Variants in ADAMTS2 observed in about 807,000 individuals in gnomAD.
ADAMTS2 encodes the protein ADAM metallopeptidase with thrombospondin type 1 motif 2, also known as A disintegrin and metalloproteinase with thrombospondin motifs 2.
Under a neutral mutation model 123.0 loss-of-function variants are expected in ADAMTS2, and 50 were observed. The ratio of observed to expected loss-of-function variants is 0.41; its 90% CI spans 0.32 to 0.51. The LOEUF is 0.51. ADAMTS2 is among the 20% of genes least tolerant of loss of function. The probability of loss-of-function intolerance (pLI) is 0.35; values close to 1 mark genes in which losing one functional copy is unlikely to be tolerated. For synonymous variants in ADAMTS2, 678 were observed against 695.4 expected, an observed-to-expected ratio of 0.98 and a Z score of 0.39; for missense variants, 1,494 against 1,705.2, an observed-to-expected ratio of 0.88 and a Z score of 2.18.
chr5:179,206,885 C>T lies in ADAMTS2; in HGVS notation c.891+628G>A, dbSNP rs73809720. Reference sequence around the variant, plus strand: ...AGACCATGGGCAGGTGCCCAGAAGACGAAGGTGGCACATAGACACCCCTTT... The same window carrying T: ...AGACCATGGGCAGGTGCCCAGAAGATGAAGGTGGCACATAGACACCCCTTT... On this transcript the variant is annotated intron_variant, in intron 4 of 21. Coordinates refer to ENST00000251582, the MANE Select transcript of ADAMTS2 (RefSeq NM_014244.5). Among the ~76,000 whole-genome samples, 609 of 152,230 alleles carry T rather than the reference C, an allele frequency of 4.0e-3. 2 individuals are homozygous for T. Among genetic ancestry groups the T allele is most frequent in the African/African-American group, 0.013 (549 of 41,520 alleles).
chr5:179,203,127 C>A (rs566679241), intron 4 of ADAMTS2, among the ~76,000 whole-genome samples: 1 of 152,324 alleles, frequency 6.6e-6, no homozygotes, highest in African/African-American at 2.4e-5. Context: ...TGGAGCTGTG[C>A]CTGCACTCAG....
rs757998006 is a variant in ADAMTS2 at position 179,158,028 on chromosome 5, G to C, written c.1132+695C>G. Among the ~76,000 whole-genome samples the C allele has an allele frequency of 4.6e-5, 7 of 151,810 alleles. No individual in the cohort carries two copies. The highest frequency in any genetic ancestry group is 3.4e-3 in the Middle Eastern group (1 of 294). On this transcript the variant is annotated intron_variant, in intron 6 of 21. Coordinates refer to ENST00000251582, the MANE Select transcript of ADAMTS2 (RefSeq NM_014244.5). This position sits in a 1 kb window ranked among gnomAD's most constrained non-coding sequence, Gnocchi z 5.0. Reference sequence around the variant, plus strand: ...CTCCCAGGCTGGAGCAAAGTGGTGCGATCTCGACTCATTGCAAACTCCGCC... The same window carrying C: ...CTCCCAGGCTGGAGCAAAGTGGTGCCATCTCGACTCATTGCAAACTCCGCC...
rs1755980781 is a variant in ADAMTS2, at chr5:179,285,053, G to C, written c.535-11989C>G. On this transcript the variant is annotated intron_variant, in intron 2 of 21. Coordinates refer to ENST00000251582, the MANE Select transcript of ADAMTS2 (RefSeq NM_014244.5). The surrounding 1 kb of genome is among the most constrained non-coding windows in gnomAD (Gnocchi z 4.9). ...CATGGCTGATGTGAGGGCTAAGCGA[G>C]ATACTGCGTCTCTAGCACTGGGCAC... 6.6e-6 allele frequency among the ~76,000 whole-genome samples: 1 copy of C among 152,150 alleles called. No individual in the cohort carries two copies. The highest frequency in any genetic ancestry group is 2.1e-4 in the South Asian group (1 of 4,820).
chr5:179,179,625 T>C (rs1323459473), intron 5 of ADAMTS2, among the ~76,000 whole-genome samples: 1 of 152,204 alleles, frequency 6.6e-6, no homozygotes, highest in Non-Finnish European at 1.5e-5. Flanking sequence ...ATTTCCCCTT[T>C]GTTCCAAGGA....
intron 2 of ADAMTS2, among the ~76,000 whole-genome samples, chr5:179,300,837 C>T (rs1263643281): frequency 6.6e-6 from 1 of 152,176 alleles, no homozygotes; most frequent in African/African-American, 2.4e-5. Context: ...GTCTGAGAAA[C>T]GCAAGCCAGC....
In ADAMTS2 at chr5:179,317,074, A is replaced by G. The variant is rs1757019477; in HGVS notation, c.534+26693T>C. On this transcript the variant is annotated intron_variant, in intron 2 of 21. Transcript: ENST00000251582. This position sits in a 1 kb window ranked among gnomAD's most constrained non-coding sequence, Gnocchi z 4.9. ...AAAGAAATTCCAGCTAATTCTCAGCAACAGACAATTACAGGAACACAAGGA... is the reference window on the plus strand; with the variant it reads ...AAAGAAATTCCAGCTAATTCTCAGCGACAGACAATTACAGGAACACAAGGA... Among the ~76,000 whole-genome samples, 1 of 152,220 alleles carries G rather than the reference A, an allele frequency of 6.6e-6. No individual in the cohort carries two copies. Among genetic ancestry groups the G allele is most frequent in the Non-Finnish European group, 1.5e-5 (1 of 68,038 alleles).
At chr5:179,294,813 T>C (rs1756285809) in intron 2 of ADAMTS2, among the ~76,000 whole-genome samples, 1 of 152,144 alleles carries the variant, frequency 6.6e-6, no homozygotes, top group Admixed American at 6.5e-5. Flanking sequence ...ATCCTTCAAT[T>C]CCCTCATTGA....
intron 2 of ADAMTS2, among the ~76,000 whole-genome samples, chr5:179,300,865 T>C (rs1013447093): frequency 3.3e-5 from 5 of 152,228 alleles, no homozygotes; most frequent in African/African-American, 4.8e-5. Flanking sequence ...TAAACCGTTA[T>C]GGCTCTGGCT....
intron 5 of ADAMTS2, among the ~76,000 whole-genome samples, chr5:179,161,180 GTCCC>G (rs1223116770): frequency 1.3e-5 from 2 of 152,208 alleles, no homozygotes; most frequent in East Asian, 3.8e-4. Flanking sequence ...CTCATCTCGA[GTCCC>G]TGCCAGGTAG....
rs972211440 is a variant in ADAMTS2 at position 179,158,935 on chromosome 5, G to A, written c.976-56C>T. 3 of 1,597,126 alleles carry A rather than the reference G, an allele frequency of 1.9e-6. No individual in the cohort carries two copies. The highest frequency in any genetic ancestry group is 4.5e-5 in the East Asian group (2 of 44,090). ...GAGGTTGGCGCCTGGTGGCCCAGTGGGGGGCCGAGCAGGCTGTAGTGTTGA... is the reference window on the plus strand; with the variant it reads ...GAGGTTGGCGCCTGGTGGCCCAGTGAGGGGCCGAGCAGGCTGTAGTGTTGA... On this transcript the variant is annotated intron_variant, in intron 5 of 21. Transcript: ENST00000251582. The surrounding 1 kb of genome is among the most constrained non-coding windows in gnomAD (Gnocchi z 5.0).
At chr5:179,244,965 A>T (rs1765750550) in intron 3 of ADAMTS2, among the ~76,000 whole-genome samples, 1 of 152,240 alleles carries the variant, frequency 6.6e-6, no homozygotes, top group South Asian at 2.1e-4. Flanking sequence ...TGGTAGGCAG[A>T]ACTGTGGCCC....
At chr5:179,223,937 C>T (rs1209125847) in intron 3 of ADAMTS2, among the ~76,000 whole-genome samples, 4 of 152,250 alleles carry the variant, frequency 2.6e-5, no homozygotes, top group Admixed American at 2.0e-4. Context: ...CAGGTACCCA[C>T]ATGGGGCTTG....
At chr5:179,137,110 G>C (rs989258075) in intron 12 of ADAMTS2, among the ~76,000 whole-genome samples, 1 of 152,212 alleles carries the variant, frequency 6.6e-6, no homozygotes, top group African/African-American at 2.4e-5. Context: ...TGGGCCCCCA[G>C]ACTGTGGCCT....
chr5:179,149,100 C>A (rs1561778224), intron 10 of ADAMTS2, among the ~76,000 whole-genome samples: 1 of 152,140 alleles, frequency 6.6e-6, no homozygotes, highest in Non-Finnish European at 1.5e-5. Context: ...CGAGGAGGGG[C>A]CCAGGTAAGG....
intron 3 of ADAMTS2, among the ~76,000 whole-genome samples, chr5:179,239,141 G>A (rs1327016472): frequency 6.6e-6 from 1 of 152,208 alleles, no homozygotes; most frequent in African/African-American, 2.4e-5. Context: ...CCCTGCTGCT[G>A]TGTTGAGGAC....
intron 3 of ADAMTS2, among the ~76,000 whole-genome samples, chr5:179,265,677 G>A (rs1033067546): frequency 1.3e-4 from 20 of 152,306 alleles, no homozygotes; most frequent in African/African-American, 4.6e-4. Flanking sequence ...TGCAGCCTCG[G>A]CTTTCCCAGC....
chr5:179,233,437 T>G (rs920664887), intron 3 of ADAMTS2, among the ~76,000 whole-genome samples: 17 of 152,060 alleles, frequency 1.1e-4, no homozygotes, highest in African/African-American at 4.1e-4. Context: ...TCCCAGCACT[T>G]TGAAAGGCTG....
At chr5:179,253,905 G>A (rs990892440) in intron 3 of ADAMTS2, among the ~76,000 whole-genome samples, 6 of 152,188 alleles carry the variant, frequency 3.9e-5, no homozygotes, top group Admixed American at 3.3e-4. Context: ...TCTCTCTGGG[G>A]TGGGGCTGGG....
At position 179,137,870 on chromosome 5, in the gene ADAMTS2, T is replaced by C; in HGVS notation, c.1850A>G (p.Asp617Gly). Residue 617 changes from aspartate to glycine, a missense_variant, in exon 12 of 22, where the codon GAC (aspartate) becomes GGC (glycine). Around this residue, in one of 6 missense-constraint regions of ADAMTS2, gnomAD observed 953 missense variants for 1,124.7 expected, o/e 0.85. Coordinates refer to ENST00000251582, the MANE Select transcript of ADAMTS2 (RefSeq NM_014244.5). ...FQLCSRQDCP[D>G]SLADFREEQC... ...CTCCTCGCGGAAGTCAGCCAGGGAG[T>C]CGGGGCAGTCCTGGCGGCTGCAGAG... 1.3e-6 allele frequency: 2 copies of C among 1,561,570 alleles called. No homozygotes were observed. The highest frequency in any genetic ancestry group is 1.2e-5 in the South Asian group (1 of 84,606).
Sources: gnomAD v4.1 joint callset for allele counts (sites outside exome capture counted in the v4.1 genomes callset) on GRCh38, gnomAD v4.1.1 for gene constraint, gnomAD v4.1.1 regional missense constraint, Gnocchi (gnomAD v3.1) non-coding constraint, MANE v1.5 for transcripts, NCBI Gene and HGNC (gene_info 2026-07-23, HGNC 2026-07-21) for gene names.